FAM117B: variants seen among roughly 807,000 people sequenced by gnomAD.
FAM117B encodes protein FAM117B.
A neutral mutation model predicts 52.8 loss-of-function variants in FAM117B; 22 were observed. The ratio of observed to expected loss-of-function variants is 0.42; its 90% confidence interval spans 0.30 to 0.59. FAM117B has a LOEUF of 0.59. Ranked by LOEUF, FAM117B falls within the 20% of genes least tolerant of loss-of-function variation. The probability of loss-of-function intolerance (pLI) is 0.22; values close to 1 mark genes in which losing one functional copy is unlikely to be tolerated. For synonymous variants in FAM117B, 309 were observed against 324.1 expected (o/e 0.95, Z 0.50); for missense variants, 678 against 802.6 (o/e 0.84, Z 1.88).
At chr2:202,655,749 A>AGTGTGTGT in intron 1 of FAM117B, among the ~76,000 whole-genome samples, 2 of 133,852 alleles carry the variant, frequency 1.5e-5, no homozygotes, top group African/African-American at 7.5e-5. Context: ...AGAGAGAGAG[A>AGTGTGTGT]GAGAGAGAGA....
At chr2:202,650,172 A>T (rs960768025) in intron 1 of FAM117B, among the ~76,000 whole-genome samples, 1 of 152,152 alleles carries the variant, frequency 6.6e-6, no homozygotes, top group South Asian at 2.1e-4. Context: ...TTGTTTGAAA[A>T]TAGGGTGGTT....
In FAM117B at chr2:202,766,333, G is replaced by A. The variant is rs766822128; in HGVS notation, c.*569G>A. On this transcript the variant is annotated 3_prime_UTR_variant, in exon 8 of 8. Coordinates refer to ENST00000392238, the MANE Select transcript of FAM117B (RefSeq NM_173511.4). The stretch of plus-strand genomic sequence containing the variant: ...CTTTGGGACCAAAGGGATTGTTGAC[G>A]TTTTCCCAGCAATCTTAATCTCATG... 6.5e-6 allele frequency: 1 copy of A among 152,802 alleles called. No homozygotes were observed. Among genetic ancestry groups the A allele is most frequent in the South Asian group, 2.1e-4 (1 of 4,834 alleles). 9.5% of individuals were successfully genotyped at this position (152,802 alleles called of 1,614,324 possible). A position where few individuals can be genotyped will look rare whatever the true frequency, so the allele number is the denominator to read the frequency against.
At chr2:202,711,285 T>C (rs750097307) in intron 2 of FAM117B, among the ~76,000 whole-genome samples, 9 of 152,150 alleles carry the variant, frequency 5.9e-5, no homozygotes, top group Non-Finnish European at 8.8e-5. Flanking sequence ...CATTGTAGTT[T>C]TGATTTGTGT....
At chr2:202,726,946 TAA>T (rs879811734) in intron 4 of FAM117B, among the ~76,000 whole-genome samples, 1 of 147,738 alleles carries the variant, frequency 6.8e-6, no homozygotes, top group Admixed American at 6.7e-5. Context: ...TAAAAAAATG[TAA>T]AAAAAAAAAT....
rs1247328926 is a variant in FAM117B at position 202,635,559 on chromosome 2, C to T, written c.372C>T (p.Ser124=). Residue 124 remains serine, a synonymous_variant, in exon 1 of 8, where the codon AGC becomes AGT. Coordinates refer to ENST00000392238, the MANE Select transcript of FAM117B (RefSeq NM_173511.4). ...GASATSTRGT[S]PTRSAAPGAR... is the part of the protein sequence containing the mutation. ...CCGCGACGTCCACGCGAGGCACCAGCCCCACGCGCAGCGCCGCGCCTGGAG... is the reference window on the plus strand; with the variant it reads ...CCGCGACGTCCACGCGAGGCACCAGTCCCACGCGCAGCGCCGCGCCTGGAG... 1.6e-6 allele frequency: 2 copies of T among 1,215,068 alleles called. No individual in the cohort carries two copies. The highest frequency in any genetic ancestry group is 3.5e-5 in the South Asian group (1 of 28,478). The allele number at this position is 1,215,068 out of a possible 1,614,324, so 75.3% of individuals were successfully genotyped here. A position where few individuals can be genotyped will look rare whatever the true frequency, so the allele number is the denominator to read the frequency against.
chr2:202,717,332 G>C (rs1259491724), intron 2 of FAM117B, among the ~76,000 whole-genome samples: 1 of 152,152 alleles, frequency 6.6e-6, no homozygotes, highest in African/African-American at 2.4e-5. Flanking sequence ...AACAAGCCAG[G>C]TGTGGTGGCA....
At chr2:202,666,847 G>A (rs1002909078) in intron 1 of FAM117B, among the ~76,000 whole-genome samples, 3 of 151,348 alleles carry the variant, frequency 2.0e-5, no homozygotes, top group Non-Finnish European at 2.9e-5. Context: ...GGGTTTCACC[G>A]TGTTAGCCAG....
At chr2:202,752,335 C>T (rs1343273082) in intron 4 of FAM117B, among the ~76,000 whole-genome samples, 2 of 151,916 alleles carry the variant, frequency 1.3e-5, no homozygotes, top group African/African-American at 2.4e-5. Flanking sequence ...AGCACTTCTG[C>T]GTGGAGCTTC....
rs1263605170 is a variant in FAM117B, at chr2:202,673,449, T to G, written c.602-22432T>G. 2.4e-5 allele frequency among the ~76,000 whole-genome samples: 3 copies of G among 124,424 alleles called. No homozygotes were observed. The East Asian group carries it at 6.8e-4, about 28-fold the overall frequency. The allele number at this position is 124,424 out of a possible 152,430, so 81.6% of individuals were successfully genotyped here. A position where few individuals can be genotyped will look rare whatever the true frequency, so the allele number is the denominator to read the frequency against. On this transcript the variant is annotated intron_variant, in intron 1 of 7. Coordinates refer to ENST00000392238, the MANE Select transcript of FAM117B (RefSeq NM_173511.4). The stretch of plus-strand genomic sequence containing the variant: ...TCTTTTTCTGTTTTTTTTTTTTTTT[T>G]TTTTTTTTTTTTTTTTGAGACGTTG...
At chr2:202,642,344 A>AATATAT (rs59347439) in intron 1 of FAM117B, among the ~76,000 whole-genome samples, 18,170 of 142,442 alleles carry the variant, frequency 0.13, 1,325 homozygotes, top group Non-Finnish European at 0.17. Context: ...GAATAAATAG[A>AATATAT]ATATATATAT....
At chr2:202,688,133 A>G (rs556425139) in intron 1 of FAM117B, among the ~76,000 whole-genome samples, 31 of 152,048 alleles carry the variant, frequency 2.0e-4, no homozygotes, top group Non-Finnish European at 2.9e-4. Flanking sequence ...CTGTTCTTCA[A>G]TTTTTGGACA....
chr2:202,716,041 A>G (rs888242970), intron 2 of FAM117B, among the ~76,000 whole-genome samples: 3 of 152,108 alleles, frequency 2.0e-5, no homozygotes, highest in Non-Finnish European at 2.9e-5. Context: ...AGTACAGTCC[A>G]GCTTTGGCTC....
chr2:202,722,530 A>G (rs369421487), intron 2 of FAM117B, among the ~76,000 whole-genome samples: 1 of 152,182 alleles, frequency 6.6e-6, no homozygotes, highest in Non-Finnish European at 1.5e-5. Flanking sequence ...AGGAACATGG[A>G]TGGAGCTAGA....
chr2:202,692,899 AACTTT>A (rs1270623492), intron 1 of FAM117B, among the ~76,000 whole-genome samples: 1 of 152,160 alleles, frequency 6.6e-6, no homozygotes, highest in Non-Finnish European at 1.5e-5. Context: ...GTTCCAATAA[AACTTT>A]ACTTATGGAC....
rs534714658 is a variant in FAM117B at position 202,715,229 on chromosome 2, G to A, written c.754-9688G>A. On this transcript the variant is annotated intron_variant, in intron 2 of 7. Coordinates refer to ENST00000392238, the MANE Select transcript of FAM117B (RefSeq NM_173511.4). ...GGGGCTGACCCCACACCTCCCTCCC[G>A]GACGGGGCGGCTGGCCGGGCGGGGG... Among the ~76,000 whole-genome samples the A allele has an allele frequency of 7.1e-4, 108 of 151,698 alleles. 3 individuals are homozygous for A. The South Asian group carries it at 0.019, about 26-fold the overall frequency.
At chr2:202,751,771 C>CAAAAAAA (rs397868272) in intron 4 of FAM117B, among the ~76,000 whole-genome samples, 2 of 76,218 alleles carry the variant, frequency 2.6e-5, no homozygotes, top group Non-Finnish European at 4.9e-5. Context: ...GACTCCATCT[C>CAAAAAAA]AAAAAAAAAA....
chr2:202,684,019 A>G (rs1190985679), intron 1 of FAM117B, among the ~76,000 whole-genome samples: 1 of 152,056 alleles, frequency 6.6e-6, no homozygotes, highest in African/African-American at 2.4e-5. Flanking sequence ...GGCACACGCT[A>G]CCACACCTGG....
At chr2:202,635,815 G>C (rs1334499734) in intron 1 of FAM117B, 27 bp downstream of exon 1, 20 of 1,406,588 alleles carry the variant, frequency 1.4e-5, no homozygotes, top group Non-Finnish European at 6.5e-6. Flanking sequence ...GCGCAGCAAG[G>C]GGGAGGCGGC....
intron 2 of FAM117B, among the ~76,000 whole-genome samples, chr2:202,722,462 G>C (rs939518563): frequency 6.6e-6 from 1 of 152,142 alleles, no homozygotes; most frequent in Non-Finnish European, 1.5e-5. Flanking sequence ...AAAATGTGGT[G>C]CATATACACC....
Sources: gnomAD v4.1 joint callset for allele counts (sites outside exome capture counted in the v4.1 genomes callset) on GRCh38, gnomAD v4.1.1 for gene constraint, MANE v1.5 for transcripts, NCBI Gene and HGNC (gene_info 2026-07-23, HGNC 2026-07-21) for gene names.